APOBEC4: variants seen among roughly 807,000 people sequenced by gnomAD.
APOBEC4 encodes putative deaminase APOBEC-4.
For missense variants in APOBEC4, 375 were observed against 441.2 expected (o/e 0.85, Z 1.34); for synonymous variants, 141 against 154.2 (o/e 0.91, Z 0.63).
At chr1:183,651,113 AC>A (rs1358280588) in intron 1 of APOBEC4, among the ~76,000 whole-genome samples, 1 of 152,154 alleles carries the variant, frequency 6.6e-6, no homozygotes, top group Admixed American at 6.5e-5. Context: ...ACCAAATTTT[AC>A]ATTTTTATGT....
chr1:183,651,650 C>T (rs1464029532), intron 1 of APOBEC4, among the ~76,000 whole-genome samples: 5 of 152,236 alleles, frequency 3.3e-5, no homozygotes, highest in Non-Finnish European at 2.9e-5. Context: ...TAGATTTCTC[C>T]TAGCCTCTGC....
intron 1 of APOBEC4, among the ~76,000 whole-genome samples, chr1:183,651,602 T>C (rs1034544556): frequency 6.6e-6 from 1 of 152,220 alleles, no homozygotes; most frequent in South Asian, 2.1e-4. Flanking sequence ...GTGGCTAATA[T>C]CCTGCAGTAA....
Position 183,648,552 on chromosome 1 carries a change from C to T in APOBEC4, c.230G>A (p.Ser77Asn). The T allele has an allele frequency of 3.1e-6, 5 of 1,614,142 alleles. No individual in the cohort carries two copies. The highest frequency in any genetic ancestry group is 2.7e-5 in the African/African-American group (2 of 75,046). Reference protein sequence around the residue: ...TFYELKTSSGSLVQKGHASSC... With the variant: ...TFYELKTSSGNLVQKGHASSC... Reference sequence around the variant, plus strand: ...GCTAGCATGGCCCTTTTGCACCAGGCTACCAGAAGAAGTTTTTAGTTCATA... The same window carrying T: ...GCTAGCATGGCCCTTTTGCACCAGGTTACCAGAAGAAGTTTTTAGTTCATA... Residue 77 changes from serine to asparagine, a missense_variant, in exon 2 of 2, where the codon AGC becomes AAC. Physicochemically the swap from Ser to Asn is conservative, Grantham distance 46. Coordinates refer to ENST00000308641, the MANE Select transcript of APOBEC4 (RefSeq NM_203454.3).
At chr1:183,650,436 G>A (rs558125220) in intron 1 of APOBEC4, among the ~76,000 whole-genome samples, 155 of 152,088 alleles carry the variant, frequency 1.0e-3, no homozygotes, top group African/African-American at 3.5e-3. Context: ...CCAGTTACTC[G>A]GGAGGCTGAG....
intron 1 of APOBEC4, among the ~76,000 whole-genome samples, chr1:183,650,976 G>T (rs190280740): frequency 9.9e-5 from 15 of 151,974 alleles, no homozygotes; most frequent in Middle Eastern, 3.4e-3. Context: ...TATTTTTTGC[G>T]TGAAGTTTTC....
chr1:183,648,503 A>G lies in APOBEC4; in HGVS notation c.279T>C (p.His93=). The change falls in exon 2 of 2, where the codon CAT becomes CAC. Residue 93 remains histidine (H), a synonymous_variant. Transcript: ENST00000308641. Reference sequence around the variant, plus strand: ...TCATTTCAAAGAGCATTGATTCTGGATGGATATAATTCCCAGTGCAACTGC... The same window carrying G: ...TCATTTCAAAGAGCATTGATTCTGGGTGGATATAATTCCCAGTGCAACTGC... ...HASSCTGNYI[H]PESMLFEMNG... is the part of the protein sequence containing the mutation. 1 of 1,614,212 alleles carries G rather than the reference A, an allele frequency of 6.2e-7. No homozygotes were observed. The highest frequency in any genetic ancestry group is 8.5e-7 in the Non-Finnish European group (1 of 1,180,038).
At chr1:183,649,109 G>T (rs75901258) in intron 1 of APOBEC4, among the ~76,000 whole-genome samples, 1 of 152,180 alleles carries the variant, frequency 6.6e-6, no homozygotes. Context: ...ATTTGGGCTT[G>T]GCCAATTATC....
In APOBEC4 at chr1:183,648,203, G is replaced by A; in HGVS notation, c.579C>T (p.Ile193=). The A allele has an allele frequency of 1.2e-6, 2 of 1,614,200 alleles. No individual in the cohort carries two copies. Among genetic ancestry groups the A allele is most frequent in the Non-Finnish European group, 1.7e-6 (2 of 1,180,014 alleles). Reference sequence around the variant, plus strand: ...TAAAGCTGTGGAGAACAGAATGCCAGATCCCACCACTTATTGGACTCAAAA... The same window carrying A: ...TAAAGCTGTGGAGAACAGAATGCCAAATCCCACCACTTATTGGACTCAAAA... ...RVVLSPISGG[I]WHSVLHSFIS... The change falls in exon 2 of 2, where the codon ATC becomes ATT. Residue 193 remains isoleucine (I), a synonymous_variant. Transcript: ENST00000308641.
chr1:183,647,749 C>T lies in APOBEC4; in HGVS notation c.1033G>A (p.Val345Met), dbSNP rs10911390. 0.038 allele frequency: 61,360 copies of T among 1,613,802 alleles called. 2,030 individuals are homozygous for T. The highest frequency in any genetic ancestry group is 0.17 in the African/African-American group (12,479 of 74,966). ...CTTGCAAACTGTTCTGTGATTTCCA[C>T]TATCTCCACTGACCTTCCAGTGGGA... ...RLPTGRSVEI[V>M]EITEQFASSK... is the part of the protein sequence containing the mutation. Residue 345 changes from valine to methionine, a missense_variant, in exon 2 of 2, where the codon GTG (valine) becomes ATG (methionine). Physicochemically the swap from Val to Met is conservative, Grantham distance 21 (BLOSUM62 1). Coordinates refer to ENST00000308641, the MANE Select transcript of APOBEC4 (RefSeq NM_203454.3).
Position 183,647,538 on chromosome 1 carries a change from G to T in APOBEC4, c.*140C>A. 7.6e-7 allele frequency: 1 copy of T among 1,315,432 alleles called. No homozygotes were observed. Among genetic ancestry groups the T allele is most frequent in the Non-Finnish European group, 1.0e-6 (1 of 988,452 alleles). 81.5% of individuals were successfully genotyped at this position (1,315,432 alleles called of 1,614,324 possible). On this transcript the variant is annotated 3_prime_UTR_variant, in exon 2 of 2. Transcript: ENST00000308641. ...AGTGTAACTTTATAATAGTTGATAT[G>T]GTAAATAATTCAAGGTTTGCTTTTA...
chr1:183,649,240 A>T (rs1650541285), intron 1 of APOBEC4, among the ~76,000 whole-genome samples: 1 of 152,242 alleles, frequency 6.6e-6, no homozygotes, highest in Non-Finnish European at 1.5e-5. Flanking sequence ...TAACAGAATG[A>T]ATATAAAATG....
chr1:183,650,564 A>G (rs1455171302), intron 1 of APOBEC4, among the ~76,000 whole-genome samples: 2 of 152,098 alleles, frequency 1.3e-5, no homozygotes, highest in Non-Finnish European at 1.5e-5. Flanking sequence ...CAAAAAACAC[A>G]ATATTCATGG....
intron 1 of APOBEC4, among the ~76,000 whole-genome samples, 170 bp from the exon 2 acceptor site, chr1:183,648,981 C>T (rs78130638): frequency 0.013 from 1,990 of 152,282 alleles, 51 homozygotes; most frequent in African/African-American, 0.046. Flanking sequence ...ACTCCTAGAG[C>T]ATGGGGAGGA....
Position 183,647,617 on chromosome 1 carries a change from T to G in APOBEC4, c.*61A>C, listed in dbSNP as rs1300927749. On this transcript the variant is annotated 3_prime_UTR_variant, in exon 2 of 2. Coordinates refer to ENST00000308641, the MANE Select transcript of APOBEC4 (RefSeq NM_203454.3). ...AGCCCTGAGAGAGAAAGTTTCCAGA[T>G]TTTTATTGCCTATCTAATAAGTCCC... 12 of 1,504,452 alleles carry G rather than the reference T, an allele frequency of 8.0e-6. No individual in the cohort carries two copies. The highest frequency in any genetic ancestry group is 1.1e-5 in the Non-Finnish European group (12 of 1,130,580). The allele number at this position is 1,504,452 out of a possible 1,614,324, so 93.2% of individuals were successfully genotyped here. A position where few individuals can be genotyped will look rare whatever the true frequency, so the allele number is the denominator to read the frequency against.
At chr1:183,649,150 A>G (rs1227055145) in intron 1 of APOBEC4, among the ~76,000 whole-genome samples, 3 of 152,230 alleles carry the variant, frequency 2.0e-5, no homozygotes, top group African/African-American at 7.2e-5. Flanking sequence ...GTTATTTAAC[A>G]TTTGGGAGCC....
Position 183,648,308 on chromosome 1 carries a change from A to T in APOBEC4, c.474T>A (p.Tyr158Ter), listed in dbSNP as rs1385918931. The T allele has an allele frequency of 6.2e-7, 1 of 1,614,216 alleles. No homozygotes were observed. The highest frequency in any genetic ancestry group is 1.7e-5 in the Admixed American group (1 of 60,016). The change falls in exon 2 of 2, where the codon TAT (tyrosine) becomes TAA (stop). Residue 158 changes from tyrosine to a stop codon, truncating the protein, a stop_gained. Transcript: ENST00000308641. LOFTEE classifies it low-confidence loss of function (END_TRUNC). Reference protein sequence around the residue: ...ITLSIYFSQLYHTEMDFPASA... With the variant: ...ITLSIYFSQL ...AGGCAGGAAAGTCCATCTCAGTATGATAGAGCTGAGAAAAATAAATACTAA... is the reference window on the plus strand; with the variant it reads ...AGGCAGGAAAGTCCATCTCAGTATGTTAGAGCTGAGAAAAATAAATACTAA...
Position 183,648,161 on chromosome 1 carries a change from T to A in APOBEC4, c.621A>T (p.Gly207=), listed in dbSNP as rs1374938350. 9 of 1,614,180 alleles carry A rather than the reference T, an allele frequency of 5.6e-6. No individual in the cohort carries two copies. Among genetic ancestry groups the A allele is most frequent in the Non-Finnish European group, 5.9e-6 (7 of 1,180,028 alleles). ...TTAAAATGGGCTGAAAAACATGTGATCCTGAGACACCACTTATAAAGCTGT... is the reference window on the plus strand; with the variant it reads ...TTAAAATGGGCTGAAAAACATGTGAACCTGAGACACCACTTATAAAGCTGT... ...VLHSFISGVS[G]SHVFQPILTG... Residue 207 remains glycine (G), a synonymous_variant, in exon 2 of 2, where the codon GGA becomes GGT. Transcript: ENST00000308641.
At position 183,647,601 on chromosome 1, in the gene APOBEC4, A is replaced by G; in HGVS notation, c.*77T>C. On this transcript the variant is annotated 3_prime_UTR_variant, in exon 2 of 2. Coordinates refer to ENST00000308641, the MANE Select transcript of APOBEC4 (RefSeq NM_203454.3). ...ATCTCCATCTTGGCTCAGCCCTGAG[A>G]GAGAAAGTTTCCAGATTTTTATTGC... 5 of 1,499,844 alleles carry G rather than the reference A, an allele frequency of 3.3e-6. No homozygotes were observed. The highest frequency in any genetic ancestry group is 4.4e-6 in the Non-Finnish European group (5 of 1,130,112). 92.9% of individuals were successfully genotyped at this position (1,499,844 alleles called of 1,614,324 possible).
Position 183,647,955 on chromosome 1 carries a change from C to T in APOBEC4, c.827G>A (p.Ser276Asn), listed in dbSNP as rs1244750951. ...AFPGQFFQMPSGQLQPNLPPD... is the reference protein window; with the variant it reads ...AFPGQFFQMPNGQLQPNLPPD... ...AGGTAGGTTGGGTTGGAGTTGTCCA[C>T]TCGGCATTTGAAAAAACTGTCCAGG... Residue 276 changes from serine to asparagine, a missense_variant, in exon 2 of 2, where the codon AGT becomes AAT. Physicochemically the swap from Ser to Asn is conservative, Grantham distance 46. Transcript: ENST00000308641. The T allele has an allele frequency of 1.9e-6, 3 of 1,614,186 alleles. No homozygotes were observed. Among genetic ancestry groups the T allele is most frequent in the East Asian group, 2.2e-5 (1 of 44,888 alleles).
Sources: gnomAD v4.1 joint callset for allele counts (sites outside exome capture counted in the v4.1 genomes callset) on GRCh38, gnomAD v4.1.1 for gene constraint, MANE v1.5 for transcripts, NCBI Gene and HGNC (gene_info 2026-07-23, HGNC 2026-07-21) for gene names.